TMC1: variants seen among roughly 807,000 people sequenced by gnomAD.
TMC1 encodes transmembrane channel like 1.
Under a neutral mutation model 105.8 loss-of-function variants are expected in TMC1, and 84 were observed. That is an observed-to-expected ratio of 0.79 (90% CI 0.67 to 0.95). The LOEUF (loss-of-function observed/expected upper bound fraction) is 0.95, where lower values mean the gene tolerates loss of function less well. TMC1 is among the 40% of genes least tolerant of loss of function. TMC1 has a pLI of 0.00. For missense variants in TMC1, 817 were observed against 914.1 expected, an observed-to-expected ratio of 0.89 and a Z score of 1.37; for synonymous variants, 315 against 311.5, an observed-to-expected ratio of 1.01 and a Z score of -0.12.
chr9:72,835,911 CCTTGTT>C, intron 23 of TMC1, 34 bp from the exon 24 acceptor site: 1 of 1,522,580 alleles, frequency 6.6e-7, no homozygotes, highest in Non-Finnish European at 9.0e-7. Context: ...CTCTCTCTCT[CCTTGTT>C]TTTTTTTTTT....
chr9:72,639,707 G>A (rs1351297384), intron 4 of TMC1, among the ~76,000 whole-genome samples: 1 of 152,056 alleles, frequency 6.6e-6, no homozygotes, highest in African/African-American at 2.4e-5. Context: ...ATACATAGAG[G>A]AATACATTAA....
At chr9:72,607,002 T>TATATAGAGAGAGAGAG (rs372785242) in intron 2 of TMC1, among the ~76,000 whole-genome samples, 155 of 134,954 alleles carry the variant, frequency 1.1e-3, no homozygotes, top group Non-Finnish European at 1.3e-3. Flanking sequence ...TATATATATA[T>TATATAGAGAGAGAGAG]AGAGAGAGAG....
chr9:72,574,189 T>C (rs891977776), intron 1 of TMC1, among the ~76,000 whole-genome samples: 1 of 152,230 alleles, frequency 6.6e-6, no homozygotes, highest in African/African-American at 2.4e-5. Flanking sequence ...TCCATATGGA[T>C]ATTCTTTGGA....
chr9:72,645,950 G>A (rs1825704943), intron 4 of TMC1, among the ~76,000 whole-genome samples: 1 of 151,998 alleles, frequency 6.6e-6, no homozygotes, highest in Admixed American at 6.5e-5. Flanking sequence ...ACTTGATGGA[G>A]CTTATATTGA....
At chr9:72,725,365 A>ATATG (rs1438158168) in intron 8 of TMC1, among the ~76,000 whole-genome samples, 15 of 82,224 alleles carry the variant, frequency 1.8e-4, no homozygotes, top group African/African-American at 6.3e-4. Flanking sequence ...ATATATATAT[A>ATATG]TATGTATATA....
At chr9:72,641,416 C>G (rs762197856) in intron 4 of TMC1, among the ~76,000 whole-genome samples, 1 of 152,084 alleles carries the variant, frequency 6.6e-6, no homozygotes, top group Non-Finnish European at 1.5e-5. Context: ...TATGACAATG[C>G]CAAATATATG....
rs761235546 is a variant in TMC1, at chr9:72,742,458, C to A, written c.468C>A (p.Phe156Leu). ...KMMMAKKWAK[F>L]LRDFENFKAA... ...TTTCTTTTCAGAAATGGGCAAAATT[C>A]CTCCGTGATTTTGAGAACTTCAAAG... The change falls in exon 10 of 24, where the codon TTC becomes TTA. Residue 156 changes from phenylalanine to leucine, a missense_variant. Physicochemically the swap from Phe to Leu is conservative, Grantham distance 22. Coordinates refer to ENST00000297784, the MANE Select transcript of TMC1 (RefSeq NM_138691.3). 1 of 1,613,926 alleles carries A rather than the reference C, an allele frequency of 6.2e-7. No homozygotes were observed. Among genetic ancestry groups the A allele is most frequent in the African/African-American group, 1.3e-5 (1 of 74,922 alleles).
At chr9:72,691,896 A>C (rs997894514) in intron 6 of TMC1, among the ~76,000 whole-genome samples, 7 of 152,132 alleles carry the variant, frequency 4.6e-5, no homozygotes, top group Admixed American at 3.3e-4. Context: ...AATGAGTACA[A>C]ACTAATTCAA....
At chr9:72,636,753 T>C (rs1825541201) in intron 4 of TMC1, among the ~76,000 whole-genome samples, 1 of 147,960 alleles carries the variant, frequency 6.8e-6, no homozygotes, top group South Asian at 2.2e-4. Context: ...TTCTTTTGAA[T>C]CTATGGTATG....
chr9:72,601,380 A>C (rs989914573), intron 2 of TMC1, among the ~76,000 whole-genome samples: 2 of 152,126 alleles, frequency 1.3e-5, no homozygotes, highest in African/African-American at 4.8e-5. Flanking sequence ...GCGGTGGCTC[A>C]TGCCTATAGT....
At chr9:72,824,750 G>A (rs1828926256) in intron 20 of TMC1, among the ~76,000 whole-genome samples, 1 of 152,240 alleles carries the variant, frequency 6.6e-6, no homozygotes, top group South Asian at 2.1e-4. Context: ...CTAGGAAAGG[G>A]TAGGTATATG....
rs1214858157 is a variant in TMC1, at chr9:72,675,619, A to G, written c.17-13090A>G. 2.0e-5 allele frequency among the ~76,000 whole-genome samples: 3 copies of G among 152,250 alleles called. No homozygotes were observed. In the East Asian group the frequency reaches 5.8e-4, roughly 29 times the overall value. Reference sequence around the variant, plus strand: ...TCTGCATGATGTAATAGTTACAATTACAGTCTCAACCCTCTGGCATTTAAT... The same window carrying G: ...TCTGCATGATGTAATAGTTACAATTGCAGTCTCAACCCTCTGGCATTTAAT... On this transcript the variant is annotated intron_variant, in intron 5 of 23. Coordinates refer to ENST00000297784, the MANE Select transcript of TMC1 (RefSeq NM_138691.3).
At chr9:72,827,592 G>A (rs1021795305) in intron 21 of TMC1, among the ~76,000 whole-genome samples, 5 of 152,176 alleles carry the variant, frequency 3.3e-5, no homozygotes, top group African/African-American at 7.2e-5. Context: ...TTTCCAAAGG[G>A]GAACTTGTCA....
chr9:72,538,209 T>C (rs1343331589), intron 1 of TMC1, among the ~76,000 whole-genome samples: 2 of 150,214 alleles, frequency 1.3e-5, no homozygotes, highest in African/African-American at 4.9e-5. Flanking sequence ...GGATGAAGCC[T>C]CCAGGTAGCA....
intron 18 of TMC1, among the ~76,000 whole-genome samples, chr9:72,814,757 A>G (rs1828755808): frequency 6.6e-6 from 1 of 152,202 alleles, no homozygotes; most frequent in Non-Finnish European, 1.5e-5. Context: ...GCCTGGATTC[A>G]TGAGACTCTT....
In TMC1 at chr9:72,784,309, T is replaced by A. The variant is rs1828136449; in HGVS notation, c.885-4030T>A. Among the ~76,000 whole-genome samples the A allele has an allele frequency of 2.0e-5, 3 of 152,108 alleles. No homozygotes were observed. The South Asian group carries it at 6.2e-4, about 32-fold the overall frequency. ...CTCAAAAGAAGGCACACACGGCCAT[T>A]AAGCATATAAAGAATTACTCAACAT... On this transcript the variant is annotated intron_variant, in intron 13 of 23. Coordinates refer to ENST00000297784, the MANE Select transcript of TMC1 (RefSeq NM_138691.3).
At chr9:72,655,806 G>T in intron 5 of TMC1, 5 of 621,422 alleles carry the variant, frequency 8.0e-6, no homozygotes, top group East Asian at 2.7e-5. Flanking sequence ...TTTTCAACTG[G>T]TAATTAATTT....
chr9:72,585,522 A>G (rs1045070142), intron 2 of TMC1, among the ~76,000 whole-genome samples: 1 of 152,168 alleles, frequency 6.6e-6, no homozygotes, highest in Non-Finnish European at 1.5e-5. Flanking sequence ...CAATACAAGA[A>G]GAAAAGGGAA....
intron 12 of TMC1, among the ~76,000 whole-genome samples, chr9:72,764,955 C>A (rs1827808154): frequency 6.6e-6 from 1 of 152,132 alleles, no homozygotes; most frequent in Non-Finnish European, 1.5e-5. Context: ...GGTTCAGTGT[C>A]CGGGTTAACT....
Sources: gnomAD v4.1 joint callset for allele counts (sites outside exome capture counted in the v4.1 genomes callset) on GRCh38, gnomAD v4.1.1 for gene constraint, MANE v1.5 for transcripts, NCBI Gene and HGNC (gene_info 2026-07-23, HGNC 2026-07-21) for gene names.